The following KAZN variants were observed in gnomAD, a reference collection of about 807,000 sequenced individuals.
KAZN encodes kazrin.
KAZN carries 40 observed loss-of-function variants against 87.4 expected under a neutral mutation model. The ratio of observed to expected loss-of-function variants is 0.46; its 90% CI spans 0.36 to 0.60. The LOEUF (loss-of-function observed/expected upper bound fraction) is 0.60. Among genes scored for constraint, KAZN ranks in the 20% least tolerant of loss-of-function variants. KAZN has a pLI of 0.00. For synonymous variants in KAZN, 466 were observed against 458.3 expected, an observed-to-expected ratio of 1.02 and a Z score of -0.22; for missense variants, 898 against 1,073.9, an observed-to-expected ratio of 0.84 and a Z score of 2.29.
intron 1 of KAZN, among the ~76,000 whole-genome samples, chr1:14,900,976 G>C (rs1655817889): frequency 6.6e-6 from 1 of 152,302 alleles, no homozygotes; most frequent in Middle Eastern, 3.4e-3. Flanking sequence ...ACAAATAAAT[G>C]AGCATTTACT....
chr1:14,563,393 A>G (rs1486148444), intron 2 of KAZN, among the ~76,000 whole-genome samples: 2 of 152,320 alleles, frequency 1.3e-5, no homozygotes, highest in East Asian at 1.9e-4. Context: ...CCATAACCCA[A>G]GGGACTCCAG....
At chr1:14,124,207 G>A (rs1644812809) in intron 1 of KAZN, 1 of 152,182 alleles carries the variant, frequency 6.6e-6, no homozygotes, top group South Asian at 2.1e-4. Context: ...AGTTCACTAA[G>A]GTGAAATGAC....
chr1:14,307,544 G>A (rs10927408), intron 2 of KAZN, among the ~76,000 whole-genome samples: 19,829 of 152,166 alleles, frequency 0.13, 2,343 homozygotes, highest in African/African-American at 0.32. Context: ...GAGGTTAAGG[G>A]ACTTCCTCCA....
intron 2 of KAZN, among the ~76,000 whole-genome samples, chr1:14,521,798 T>C (rs1170523745): frequency 6.6e-6 from 1 of 152,138 alleles, no homozygotes; most frequent in Non-Finnish European, 1.5e-5. Flanking sequence ...GACCTTGAGT[T>C]AGGGGTCAAG....
chr1:13,924,614 A>C (rs1311715895), intron 1 of KAZN, among the ~76,000 whole-genome samples: 3 of 152,114 alleles, frequency 2.0e-5, no homozygotes, highest in African/African-American at 7.2e-5. Context: ...TCCTTTGGAG[A>C]GGCTCATCAG....
intron 1 of KAZN, among the ~76,000 whole-genome samples, chr1:14,728,289 T>TAAAAAAAAA (rs55745144): frequency 3.4e-5 from 1 of 29,844 alleles, no homozygotes; most frequent in African/African-American, 1.3e-4. Flanking sequence ...ACCGTATATA[T>TAAAAAAAAA]AAAAAAAAAA....
At chr1:15,063,431 G>A (rs887811449) in intron 6 of KAZN, 141 bp from the exon 7 acceptor site, 3 of 711,054 alleles carry the variant, frequency 4.2e-6, no homozygotes, top group Admixed American at 2.0e-5. Context: ...GAGATGGGGG[G>A]TGGGCTCCCC....
chr1:14,423,173 A>G (rs1374101334), intron 2 of KAZN, among the ~76,000 whole-genome samples: 2 of 152,104 alleles, frequency 1.3e-5, no homozygotes, highest in African/African-American at 2.4e-5. Flanking sequence ...TTTGAGAAAC[A>G]TTGTCTTGAT....
chr1:14,934,076 C>T (rs1486885156), intron 1 of KAZN, among the ~76,000 whole-genome samples: 8 of 151,252 alleles, frequency 5.3e-5, no homozygotes, highest in Non-Finnish European at 1.0e-4. Context: ...AGGATGGTCT[C>T]GATCTCCTGA....
chr1:14,520,584 G>A (rs1671535360), intron 2 of KAZN, among the ~76,000 whole-genome samples: 1 of 152,176 alleles, frequency 6.6e-6, no homozygotes, highest in South Asian at 2.1e-4. Context: ...GCCCAAGCAA[G>A]AGCATAACTA....
At chr1:14,342,639 C>T (rs896570515) in intron 2 of KAZN, among the ~76,000 whole-genome samples, 6 of 152,064 alleles carry the variant, frequency 3.9e-5, no homozygotes, top group Admixed American at 1.3e-4. Context: ...CAAAAAATGC[C>T]GCCTGCAATA....
rs1394259376 is a variant in KAZN, at chr1:15,112,176, G to T, written c.2049-251G>T. On this transcript the variant is annotated intron_variant, in intron 13 of 14. Coordinates refer to ENST00000376030, the MANE Select transcript of KAZN (RefSeq NM_201628.3). ...ACAGCTGTGTCGTCTTGGGCAAATT[G>T]CTTGCTGTCTCTGGCCTCCTTTCCC... The T allele has an allele frequency of 2.0e-5, 11 of 542,926 alleles. No individual in the cohort carries two copies. In the East Asian group the frequency reaches 3.2e-4, roughly 16 times the overall value. The allele number at this position is 542,926 out of a possible 1,614,324, so 33.6% of individuals were successfully genotyped here. A position where few individuals can be genotyped will look rare whatever the true frequency, so the allele number is the denominator to read the frequency against.
intron 1 of KAZN, among the ~76,000 whole-genome samples, chr1:14,814,669 C>T (rs983053783): frequency 2.6e-5 from 4 of 152,178 alleles, no homozygotes; most frequent in African/African-American, 9.7e-5. Context: ...GCACCATGTA[C>T]CCATGGGGTA....
rs747402938 is a variant in KAZN, at chr1:15,094,879, G to A, written c.1493G>A (p.Arg498Gln). Reference sequence around the variant, plus strand: ...CTTGGGGTGTGCAGCTCCCTGCACCGGCGCAAGCTGCGCCTGGCCATCGAG... The same window carrying A: ...CTTGGGGTGTGCAGCTCCCTGCACCAGCGCAAGCTGCGCCTGGCCATCGAG... ...LGLGVCSSLH[R>Q]RKLRLAIEDY... Residue 498 changes from arginine to glutamine, a missense_variant, in exon 10 of 15, where the codon CGG becomes CAG. By Grantham distance (43) the Arg-to-Gln change is conservative. Coordinates refer to ENST00000376030, the MANE Select transcript of KAZN (RefSeq NM_201628.3). The surrounding 1 kb of genome is among the most constrained non-coding windows in gnomAD (Gnocchi z 4.5). The A allele has an allele frequency of 2.4e-4, 371 of 1,550,486 alleles. No individual in the cohort carries two copies. Among genetic ancestry groups the A allele is most frequent in the Non-Finnish European group, 2.7e-4 (311 of 1,146,804 alleles).
chr1:14,527,875 C>G (rs1316017648), intron 2 of KAZN, among the ~76,000 whole-genome samples: 1 of 152,130 alleles, frequency 6.6e-6, no homozygotes, highest in African/African-American at 2.4e-5. Context: ...GGCCCCACCT[C>G]CAACAGTGGG....
At chr1:14,358,174 C>G (rs180759953) in intron 2 of KAZN, among the ~76,000 whole-genome samples, 102 of 151,990 alleles carry the variant, frequency 6.7e-4, no homozygotes, top group African/African-American at 2.3e-3. Flanking sequence ...AGGAATTTAC[C>G]CATTTCTTCT....
intron 1 of KAZN, among the ~76,000 whole-genome samples, chr1:14,062,049 A>G (rs941132751): frequency 3.3e-5 from 5 of 152,158 alleles, no homozygotes; most frequent in African/African-American, 1.2e-4. Flanking sequence ...AAGCACAGCA[A>G]ACAGGAAGCG....
Position 14,599,651 on chromosome 1 carries a change from C to T in KAZN, c.226+428C>T, listed in dbSNP as rs1416014795. ...CAGAGAGAGCTCCGGGCTCTGCCGC[C>T]GTGGTTGGGATAGAGGATTGCACTG... On this transcript the variant is annotated intron_variant, in intron 1 of 14. Transcript: ENST00000376030. The surrounding 1 kb of genome is among the most constrained non-coding windows in gnomAD (Gnocchi z 4.4). Among the ~76,000 whole-genome samples, 2 of 152,178 alleles carry T rather than the reference C, an allele frequency of 1.3e-5. No individual in the cohort carries two copies. The highest frequency in any genetic ancestry group is 2.9e-5 in the Non-Finnish European group (2 of 68,036).
chr1:14,106,018 G>T (rs1490475455), intron 1 of KAZN, among the ~76,000 whole-genome samples: 1 of 152,172 alleles, frequency 6.6e-6, no homozygotes, highest in Non-Finnish European at 1.5e-5. Flanking sequence ...CCACTATGAG[G>T]CAACATAATA....
Sources: gnomAD v4.1 joint callset for allele counts (sites outside exome capture counted in the v4.1 genomes callset) on GRCh38, gnomAD v4.1.1 for gene constraint, Gnocchi (gnomAD v3.1) non-coding constraint, MANE v1.5 for transcripts, NCBI Gene and HGNC (gene_info 2026-07-23, HGNC 2026-07-21) for gene names.